Variants in CLMP observed in about 807,000 individuals in gnomAD.
The protein encoded by CLMP is CXADR like cell adhesion molecule.
Under a neutral mutation model 45.2 loss-of-function variants are expected in CLMP, and 27 were observed. The ratio of observed to expected loss-of-function variants is 0.60; its 90% CI spans 0.44 to 0.82. CLMP has a LOEUF of 0.82. Ranked by LOEUF, CLMP falls within the 40% of genes least tolerant of loss-of-function variation. The pLI is 0.00. For missense variants in CLMP, 403 were observed against 448.4 expected, an observed-to-expected ratio of 0.90 and a Z score of 0.91; for synonymous variants, 167 against 171.4, an observed-to-expected ratio of 0.97 and a Z score of 0.20.
At chr11:123,092,047 C>G (rs903273857) in intron 2 of CLMP, among the ~76,000 whole-genome samples, 3 of 152,000 alleles carry the variant, frequency 2.0e-5, no homozygotes, top group African/African-American at 7.3e-5. Context: ...TTCTGAAATG[C>G]CTTTTCCTCT....
chr11:123,175,252 G>A (rs891633385), intron 1 of CLMP, among the ~76,000 whole-genome samples: 28 of 152,132 alleles, frequency 1.8e-4, no homozygotes, highest in African/African-American at 6.5e-4. Flanking sequence ...GGAGGCCTCA[G>A]GAAACTAATA....
intron 1 of CLMP, among the ~76,000 whole-genome samples, chr11:123,177,932 G>A (rs1037618844): frequency 1.3e-5 from 2 of 151,964 alleles, no homozygotes; most frequent in South Asian, 2.1e-4. Flanking sequence ...GCACGATCTC[G>A]GCTCACTGCA....
chr11:123,150,468 A>AAGG, intron 1 of CLMP, among the ~76,000 whole-genome samples: 1 of 100,818 alleles, frequency 9.9e-6, no homozygotes, highest in Admixed American at 1.0e-4. Context: ...AGAAAGAAAG[A>AAGG]AAGAAAGAAA....
intron 1 of CLMP, among the ~76,000 whole-genome samples, chr11:123,147,601 A>G (rs1467740418): frequency 6.6e-6 from 1 of 151,590 alleles, no homozygotes; most frequent in Non-Finnish European, 1.5e-5. Context: ...GACTGCCCCT[A>G]CTCTGGATTC....
intron 1 of CLMP, among the ~76,000 whole-genome samples, chr11:123,142,383 C>T (rs562992104): frequency 1.3e-5 from 2 of 152,172 alleles, no homozygotes; most frequent in East Asian, 1.9e-4. Flanking sequence ...CACTGCTTTC[C>T]GATATACCAC....
intron 1 of CLMP, among the ~76,000 whole-genome samples, chr11:123,115,193 C>G (rs557545353): frequency 2.2e-4 from 33 of 151,822 alleles, no homozygotes; most frequent in Admixed American, 2.0e-3. Flanking sequence ...AAGTGTGCAC[C>G]AGCACACCTG....
chr11:123,095,341 G>A (rs1202983086), intron 2 of CLMP, among the ~76,000 whole-genome samples: 3 of 151,894 alleles, frequency 2.0e-5, no homozygotes, highest in Admixed American at 2.0e-4. Context: ...TGCCCAGGCT[G>A]GAGTGCAATG....
chr11:123,107,803 A>T (rs1860581476), intron 1 of CLMP, among the ~76,000 whole-genome samples: 1 of 148,914 alleles, frequency 6.7e-6, no homozygotes, highest in African/African-American at 2.5e-5. Context: ...GCTCTCTCCT[A>T]TTTTTTTTTT....
intron 1 of CLMP, among the ~76,000 whole-genome samples, chr11:123,167,353 TTG>T: frequency 6.6e-6 from 1 of 152,156 alleles, no homozygotes; most frequent in Non-Finnish European, 1.5e-5. Flanking sequence ...TGGCACGATC[TTG>T]GCTCACTGCA....
Position 123,160,279 on chromosome 11 carries a change from CAAAAAA to C in CLMP, c.28+34628_28+34633del, listed in dbSNP as rs67087501. Among the ~76,000 whole-genome samples, 130 of 46,670 alleles carry C rather than the reference CAAAAAA, an allele frequency of 2.8e-3. 1 individual carries two copies. Among genetic ancestry groups the C allele is most frequent in the African/African-American group, 0.01 (106 of 10,132 alleles). 30.6% of individuals were successfully genotyped at this position (46,670 alleles called of 152,430 possible). The stretch of plus-strand genomic sequence containing the variant: ...TGGGCAACAGAGCGAGACTCTGTCT[CAAAAAA>C]AAAAAAAAAAAAAAAAAAAGGAAAG... On this transcript the variant is annotated intron_variant, in intron 1 of 6. Transcript: ENST00000448775.
intron 6 of CLMP, among the ~76,000 whole-genome samples, chr11:123,074,027 G>A (rs1359909387): frequency 6.6e-6 from 1 of 152,128 alleles, no homozygotes; most frequent in Non-Finnish European, 1.5e-5. Flanking sequence ...GGTCTAGACA[G>A]CACACCTCCT....
intron 1 of CLMP, among the ~76,000 whole-genome samples, chr11:123,164,456 A>G (rs1565401319): frequency 6.6e-6 from 1 of 152,140 alleles, no homozygotes; most frequent in Non-Finnish European, 1.5e-5. Flanking sequence ...GGCACGTGCC[A>G]CCACGCCTAG....
chr11:123,180,065 G>T (rs564433381), intron 1 of CLMP, among the ~76,000 whole-genome samples: 1 of 152,300 alleles, frequency 6.6e-6, no homozygotes, highest in African/African-American at 2.4e-5. Context: ...ATTAACTTAT[G>T]GAGCCAGCTC....
At chr11:123,185,329 C>G (rs1565406605) in intron 1 of CLMP, among the ~76,000 whole-genome samples, 1 of 152,152 alleles carries the variant, frequency 6.6e-6, no homozygotes, top group East Asian at 1.9e-4. Context: ...GGTCTTTGTT[C>G]TCTGTCTGTC....
chr11:123,172,569 C>A (rs1861650568), intron 1 of CLMP, among the ~76,000 whole-genome samples: 1 of 152,174 alleles, frequency 6.6e-6, no homozygotes, highest in South Asian at 2.1e-4. Context: ...GCAGCCTCAA[C>A]CTCTTGAGCT....
At chr11:123,122,596 G>A (rs11601567) in intron 1 of CLMP, among the ~76,000 whole-genome samples, 20,406 of 152,138 alleles carry the variant, frequency 0.13, 1,391 homozygotes, top group African/African-American at 0.14. Flanking sequence ...GATAGAAAAG[G>A]AGAAAAAGCT....
chr11:123,076,709 A>G (rs1268366966), intron 5 of CLMP, among the ~76,000 whole-genome samples: 11 of 152,212 alleles, frequency 7.2e-5, no homozygotes, highest in African/African-American at 2.2e-4. Context: ...CAGAGACAGG[A>G]AAGGACCAGC....
intron 2 of CLMP, among the ~76,000 whole-genome samples, chr11:123,088,322 A>G (rs550788127): frequency 6.6e-6 from 1 of 152,328 alleles, no homozygotes; most frequent in South Asian, 2.1e-4. Context: ...GAAGCTGTAG[A>G]GTTTGTCTCC....
intron 1 of CLMP, among the ~76,000 whole-genome samples, chr11:123,183,237 T>C (rs1289346767): frequency 2.0e-5 from 3 of 151,678 alleles, no homozygotes; most frequent in African/African-American, 7.3e-5. Context: ...TTTTTTGCTG[T>C]TGTTTGTTTG....
Sources: allele counts gnomAD v4.1 joint callset (sites outside exome capture counted in the v4.1 genomes callset), GRCh38; gene constraint gnomAD v4.1.1; transcripts MANE v1.5; gene names NCBI Gene and HGNC (gene_info 2026-07-23, HGNC 2026-07-21).